The following SARDH variants were observed in gnomAD, a reference collection of about 807,000 sequenced individuals.
SARDH encodes sarcosine dehydrogenase.
In SARDH, 95 loss-of-function variants were observed where a neutral mutation model predicts 109.1. The ratio of observed to expected loss-of-function variants is 0.87; its 90% confidence interval spans 0.74 to 1.03. The LOEUF (loss-of-function observed/expected upper bound fraction) is 1.03, where lower values mean the gene tolerates loss of function less well. Ranked by LOEUF, SARDH falls within the 50% of genes least tolerant of loss-of-function variation. SARDH has a pLI of 0.00. For synonymous variants in SARDH, 572 were observed against 534.8 expected, an observed-to-expected ratio of 1.07 and a Z score of -0.96; for missense variants, 1,267 against 1,287.8, an observed-to-expected ratio of 0.98 and a Z score of 0.25.
At chr9:133,680,176 T>G (rs994074474) in intron 17 of SARDH, among the ~76,000 whole-genome samples, 1 of 152,232 alleles carries the variant, frequency 6.6e-6, no homozygotes, top group Non-Finnish European at 1.5e-5. Context: ...GAAAGAATTT[T>G]AGACATTGTG....
chr9:133,689,227 G>A (rs541457556), intron 16 of SARDH, among the ~76,000 whole-genome samples: 82 of 94,168 alleles, frequency 8.7e-4, no homozygotes, highest in African/African-American at 2.5e-3. Flanking sequence ...TCCTCTCCCC[G>A]AAGCTGCCAC....
At chr9:133,734,989 C>T (rs889459994) in intron 1 of SARDH, among the ~76,000 whole-genome samples, 17 of 152,060 alleles carry the variant, frequency 1.1e-4, no homozygotes, top group Non-Finnish European at 2.1e-4. Flanking sequence ...GGTAGTGGCA[C>T]AGCAGGGCAG....
At chr9:133,727,531 C>A (rs1311841407) in intron 6 of SARDH, among the ~76,000 whole-genome samples, 3 of 152,224 alleles carry the variant, frequency 2.0e-5, no homozygotes, top group Non-Finnish European at 4.4e-5. Flanking sequence ...CAGGTCAGGG[C>A]CAGCGGCCTG....
Position 133,709,578 on chromosome 9 carries a change from T to C in SARDH, c.1329-1150A>G, listed in dbSNP as rs995793306. Among the ~76,000 whole-genome samples, 3 of 152,148 alleles carry C rather than the reference T, an allele frequency of 2.0e-5. No homozygotes were observed. Among genetic ancestry groups the C allele is most frequent in the Non-Finnish European group, 4.4e-5 (3 of 68,038 alleles). ...CACCTGTCAGGGCTGATTCTTAGTC[T>C]GCACGTAATTCTAGCAAGCAGAATT... is the stretch of plus-strand genomic sequence containing the variant. On this transcript the variant is annotated intron_variant, in intron 10 of 20. Transcript: ENST00000439388. This position sits in a 1 kb window ranked among gnomAD's most constrained non-coding sequence, Gnocchi z 4.2.
intron 14 of SARDH, 45 bp from the exon 15 acceptor site, chr9:133,694,416 C>A (rs780290472): frequency 4.1e-6 from 6 of 1,474,810 alleles, no homozygotes; most frequent in Non-Finnish European, 5.6e-6. Flanking sequence ...AGGCCCCAGC[C>A]GGGTCTGTGC....
chr9:133,736,630 A>C lies in SARDH; in HGVS notation c.-31+1624T>G, dbSNP rs530290698. On this transcript the variant is annotated intron_variant, in intron 1 of 20. Transcript: ENST00000439388. Reference sequence around the variant, plus strand: ...AGGCTGGTCTCGAACTCCTGACCTCAGGTGATCCGCCTGCCTCGGCCTCCC... The same window carrying C: ...AGGCTGGTCTCGAACTCCTGACCTCCGGTGATCCGCCTGCCTCGGCCTCCC... Among the ~76,000 whole-genome samples, 299 of 152,294 alleles carry C rather than the reference A, an allele frequency of 2.0e-3. 2 individuals are homozygous for C. The Middle Eastern group carries it at 0.024, about 12-fold the overall frequency.
chr9:133,699,778 T>C (rs1296846850), intron 13 of SARDH, among the ~76,000 whole-genome samples: 2 of 152,214 alleles, frequency 1.3e-5, no homozygotes, highest in Non-Finnish European at 2.9e-5. Flanking sequence ...TGGTGGGGAA[T>C]GTAATGTGGT....
At position 133,683,675 on chromosome 9, in the gene SARDH, G is replaced by A. The variant is rs540460101; in HGVS notation, c.2163+1518C>T. ...GGAGAGGGGAGGTGAGAGCAGAGCC[G>A]CTGGGATCTCCCTAGTTTCTGGCCG... On this transcript the variant is annotated intron_variant, in intron 17 of 20. Transcript: ENST00000439388. Among the ~76,000 whole-genome samples the A allele has an allele frequency of 9.2e-5, 14 of 152,330 alleles. No individual in the cohort carries two copies. In the East Asian group the frequency reaches 2.7e-3, roughly 29 times the overall value.
chr9:133,737,740 G>A (rs1832932288), intron 1 of SARDH, among the ~76,000 whole-genome samples: 2 of 152,178 alleles, frequency 1.3e-5, no homozygotes, highest in South Asian at 4.1e-4. Context: ...GGCTGGCAGC[G>A]GCCCCAGCGG....
intron 17 of SARDH, among the ~76,000 whole-genome samples, chr9:133,673,266 CTG>C (rs1830412077): frequency 6.6e-6 from 1 of 152,282 alleles, no homozygotes; most frequent in Non-Finnish European, 1.5e-5. Context: ...CACCCAGTAA[CTG>C]GAGTCTGCGT....
chr9:133,714,851 C>T lies in SARDH; in HGVS notation c.1151-1727G>A, dbSNP rs145371762. Among the ~76,000 whole-genome samples the T allele has an allele frequency of 8.9e-3, 1,352 of 152,276 alleles. 19 individuals carry two copies. The highest frequency in any genetic ancestry group is 0.03 in the African/African-American group (1,262 of 41,546). On this transcript the variant is annotated intron_variant, in intron 8 of 20. Transcript: ENST00000439388. The stretch of plus-strand genomic sequence containing the variant: ...AGGGAGCACCTTGGGAGGGCTGGAA[C>T]TATTTCTAGGCCCAGGGAGGGCAGG...
At position 133,696,355 on chromosome 9, in the gene SARDH, T is replaced by C; in HGVS notation, c.1675A>G (p.Lys559Glu). 2 of 1,613,948 alleles carry C rather than the reference T, an allele frequency of 1.2e-6. No individual in the cohort carries two copies. Among genetic ancestry groups the C allele is most frequent in the Admixed American group, 1.7e-5 (1 of 60,032 alleles). The change falls in exon 14 of 21, where the codon AAG becomes GAG. Residue 559 changes from lysine to glutamate, a missense_variant. Transcript: ENST00000439388. ...GCCCCTCTGCAGGCCAGGCACTCCT[T>C]CTTGATCTGAAAAGTTCCAGACAGG... is the stretch of plus-strand genomic sequence containing the variant. Reference protein sequence around the residue: ...AFPPHHDTIKKECLACRGAAA... With the variant: ...AFPPHHDTIKEECLACRGAAA...
downstream of SARDH, chr9:133,663,415 T>A (rs1372766062): frequency 4.3e-6 from 1 of 235,286 alleles, no homozygotes; most frequent in Admixed American, 5.6e-5. Context: ...CAGGCCTCCA[T>A]GTGCGCTGTG....
intron 15 of SARDH, among the ~76,000 whole-genome samples, chr9:133,690,997 G>T (rs1056808970): frequency 6.6e-6 from 1 of 152,148 alleles, no homozygotes; most frequent in Non-Finnish European, 1.5e-5. Context: ...GCCCCAGGCA[G>T]GCCCCAGCCA....
downstream of SARDH, chr9:133,663,550 T>C (rs1829952922): frequency 3.2e-6 from 1 of 314,458 alleles, no homozygotes; most frequent in Non-Finnish European, 5.8e-6. Flanking sequence ...GAAGCCTATT[T>C]GCTTCGCTGT....
downstream of SARDH, among the ~76,000 whole-genome samples, chr9:133,663,169 C>G (rs368142409): frequency 6.6e-6 from 1 of 152,166 alleles, no homozygotes; most frequent in East Asian, 1.9e-4. Context: ...GCCTGGTGAG[C>G]GAGGGGCTCA....
chr9:133,733,744 C>T, intron 2 of SARDH, 99 bp downstream of exon 2: 1 of 1,200,390 alleles, frequency 8.3e-7, no homozygotes, highest in African/African-American at 1.6e-5. Flanking sequence ...CTTCCCCAGG[C>T]TGGTTGTTGT....
Position 133,693,808 on chromosome 9 carries a change from C to A in SARDH, c.1921+450G>T, listed in dbSNP as rs748355304. Among the ~76,000 whole-genome samples the A allele has an allele frequency of 6.6e-6, 1 of 152,178 alleles. No homozygotes were observed. Among genetic ancestry groups the A allele is most frequent in the Non-Finnish European group, 1.5e-5 (1 of 68,040 alleles). The stretch of plus-strand genomic sequence containing the variant: ...ACTGCAGCAGGCAATCAGGCATCAG[C>A]GTGGGCCCTGAACTGGACGTCTTCT... On this transcript the variant is annotated intron_variant, in intron 15 of 20. Coordinates refer to ENST00000439388, the MANE Select transcript of SARDH (RefSeq NM_001134707.2). The surrounding 1 kb of genome is among the most constrained non-coding windows in gnomAD (Gnocchi z 5.6).
chr9:133,717,306 G>C lies in SARDH; in HGVS notation c.1150+20C>G. 6.2e-7 allele frequency: 1 copy of C among 1,613,576 alleles called. No individual in the cohort carries two copies. The highest frequency in any genetic ancestry group is 8.5e-7 in the Non-Finnish European group (1 of 1,179,648). On this transcript the variant is annotated intron_variant, in intron 8 of 20. Coordinates refer to ENST00000439388, the MANE Select transcript of SARDH (RefSeq NM_001134707.2). ...AAAGGACCCATGGACGCCCACCCCA[G>C]CTCCGAGGCTGTCACTCACCAGGGC... is the stretch of plus-strand genomic sequence containing the variant.
Sources: gnomAD v4.1 joint callset for allele counts (sites outside exome capture counted in the v4.1 genomes callset) on GRCh38, gnomAD v4.1.1 for gene constraint, Gnocchi (gnomAD v3.1) non-coding constraint, MANE v1.5 for transcripts, NCBI Gene and HGNC (gene_info 2026-07-23, HGNC 2026-07-21) for gene names.